PTPRD: variants seen among roughly 807,000 people sequenced by gnomAD.
PTPRD encodes protein tyrosine phosphatase receptor type D, also known as receptor-type tyrosine-protein phosphatase delta.
PTPRD carries 34 observed loss-of-function variants against 214.5 expected under a neutral mutation model. That is an observed-to-expected ratio of 0.16 (90% CI 0.12 to 0.21). The LOEUF is 0.21. PTPRD is among the 10% of genes least tolerant of loss of function. The pLI, the probability that PTPRD is intolerant of heterozygous loss-of-function variation, is 1.00. For missense variants in PTPRD, 2,545 were observed against 2,398.7 expected (o/e 1.06, Z -1.27); for synonymous variants, 1,128 against 845.7 (o/e 1.33, Z -5.79).
intron 10 of PTPRD, among the ~76,000 whole-genome samples, chr9:9,022,277 T>C (rs1042426254): frequency 1.3e-5 from 2 of 152,126 alleles, no homozygotes; most frequent in African/African-American, 4.8e-5. Flanking sequence ...TCTATAGTAA[T>C]GTGCAGTCTT....
chr9:9,804,845 T>C (rs1455747654), intron 5 of PTPRD, among the ~76,000 whole-genome samples: 1 of 151,466 alleles, frequency 6.6e-6, no homozygotes, highest in Non-Finnish European at 1.5e-5. Context: ...TTCATCCACA[T>C]TTTACATAAG....
chr9:8,749,969 G>A (rs1483499264), intron 11 of PTPRD, among the ~76,000 whole-genome samples: 1 of 151,920 alleles, frequency 6.6e-6, no homozygotes, highest in Non-Finnish European at 1.5e-5. Context: ...CAGCTGTGGT[G>A]GCGGTCGCCT....
intron 3 of PTPRD, among the ~76,000 whole-genome samples, chr9:10,337,616 T>C (rs2096866576): frequency 6.6e-6 from 1 of 151,808 alleles, no homozygotes; most frequent in African/African-American, 2.4e-5. Flanking sequence ...CCAACAGTTT[T>C]ATATGTAATT....
At chr9:9,965,853 G>A (rs935422890) in intron 4 of PTPRD, among the ~76,000 whole-genome samples, 13 of 152,158 alleles carry the variant, frequency 8.5e-5, no homozygotes, top group African/African-American at 2.9e-4. Context: ...TACAGTAGGT[G>A]TACAATGAAC....
At chr9:10,224,930 T>C (rs573857451) in intron 3 of PTPRD, among the ~76,000 whole-genome samples, 1 of 152,226 alleles carries the variant, frequency 6.6e-6, no homozygotes, top group East Asian at 1.9e-4. Flanking sequence ...ATAATACAAA[T>C]TACATACAAC....
intron 10 of PTPRD, among the ~76,000 whole-genome samples, chr9:9,154,162 A>C (rs2154490520): frequency 6.6e-6 from 1 of 152,220 alleles, no homozygotes; most frequent in South Asian, 2.1e-4. Flanking sequence ...AAAGACCTAA[A>C]CCTGATGTTG....
At chr9:9,809,959 T>C (rs2046616147) in intron 5 of PTPRD, among the ~76,000 whole-genome samples, 1 of 152,066 alleles carries the variant, frequency 6.6e-6, no homozygotes, top group Non-Finnish European at 1.5e-5. Context: ...TTGGCCCACA[T>C]GGGTTTGAAC....
At chr9:10,271,982 T>A (rs534541250) in intron 3 of PTPRD, among the ~76,000 whole-genome samples, 1 of 152,188 alleles carries the variant, frequency 6.6e-6, no homozygotes, top group African/African-American at 2.4e-5. Flanking sequence ...TTGTACCATA[T>A]CATTCATCCA....
At chr9:9,097,630 T>G (rs1267061074) in intron 10 of PTPRD, among the ~76,000 whole-genome samples, 1 of 151,996 alleles carries the variant, frequency 6.6e-6, no homozygotes, top group Non-Finnish European at 1.5e-5. Context: ...CAGGATGGTC[T>G]CAATCTCTTG....
chr9:10,223,212 C>T (rs1594674258), intron 3 of PTPRD, among the ~76,000 whole-genome samples: 2 of 151,860 alleles, frequency 1.3e-5, no homozygotes, highest in Admixed American at 1.3e-4. Context: ...TACCCTCTCC[C>T]CCTTCTCCCC....
chr9:8,922,643 AT>A (rs141535299), intron 11 of PTPRD, among the ~76,000 whole-genome samples: 6 of 151,394 alleles, frequency 4.0e-5, no homozygotes, highest in African/African-American at 1.5e-4. Context: ...TTCTAATTTT[AT>A]TTTTTTTGAG....
chr9:9,572,807 G>T (rs1247862428), intron 8 of PTPRD, among the ~76,000 whole-genome samples: 1 of 151,198 alleles, frequency 6.6e-6, no homozygotes, highest in Non-Finnish European at 1.5e-5. Flanking sequence ...AAAAACAAAT[G>T]TTTGATAGCA....
chr9:8,675,992 T>C (rs911739625), intron 12 of PTPRD, among the ~76,000 whole-genome samples: 1 of 152,240 alleles, frequency 6.6e-6, no homozygotes, highest in Non-Finnish European at 1.5e-5. Flanking sequence ...CAGGTAAGTC[T>C]ATTTATGACC....
At chr9:10,200,397 C>T (rs982429566) in intron 3 of PTPRD, among the ~76,000 whole-genome samples, 1 of 152,002 alleles carries the variant, frequency 6.6e-6, no homozygotes, top group East Asian at 1.9e-4. Context: ...AAGGAAGATG[C>T]TATTGACAGT....
At chr9:8,361,737 C>T (rs2078542922) in intron 39 of PTPRD, among the ~76,000 whole-genome samples, 1 of 152,170 alleles carries the variant, frequency 6.6e-6, no homozygotes, top group South Asian at 2.1e-4. Flanking sequence ...GTGATGCGTG[C>T]TTGGGGGTTC....
intron 2 of PTPRD, among the ~76,000 whole-genome samples, chr9:10,497,936 T>G (rs563229435): frequency 6.6e-6 from 1 of 152,152 alleles, no homozygotes; most frequent in South Asian, 2.1e-4. Context: ...GGATTGCTTA[T>G]CTAGTCTGTT....
At chr9:10,289,437 G>C (rs2095465430) in intron 3 of PTPRD, among the ~76,000 whole-genome samples, 1 of 152,094 alleles carries the variant, frequency 6.6e-6, no homozygotes, top group African/African-American at 2.4e-5. Flanking sequence ...TGATGTGACT[G>C]CCTAACATCA....
chr9:9,511,183 T>C (rs2096698520), intron 8 of PTPRD, among the ~76,000 whole-genome samples: 1 of 151,814 alleles, frequency 6.6e-6, no homozygotes, highest in African/African-American at 2.4e-5. Flanking sequence ...TCACACTGTA[T>C]ATTCTGAAAA....
intron 7 of PTPRD, among the ~76,000 whole-genome samples, chr9:9,597,625 A>G (rs1265810184): frequency 1.3e-5 from 2 of 152,042 alleles, no homozygotes; most frequent in Admixed American, 6.6e-5. Flanking sequence ...ACAGTATCAC[A>G]TATAGTAGAG....
Sources: gnomAD v4.1 joint callset for allele counts (sites outside exome capture counted in the v4.1 genomes callset) on GRCh38, gnomAD v4.1.1 for gene constraint, MANE v1.5 for transcripts, NCBI Gene and HGNC (gene_info 2026-07-23, HGNC 2026-07-21) for gene names.